The following MYH13 variants were observed in gnomAD, a reference collection of about 807,000 sequenced individuals.
MYH13 encodes myosin-13.
In MYH13, 177 loss-of-function variants were observed where a neutral mutation model predicts 232.1. The observed-to-expected ratio is 0.76, with a 90% confidence interval of 0.67 to 0.86. The LOEUF is 0.86. Among genes scored for constraint, MYH13 ranks in the 40% least tolerant of loss-of-function variants. The pLI is 0.00. For synonymous variants in MYH13, 884 were observed against 923.5 expected (o/e 0.96, Z 0.78); for missense variants, 2,246 against 2,405.9 (o/e 0.93, Z 1.39).
At chr17:10,320,008 C>A in intron 26 of MYH13, 145 bp downstream of exon 26, 1 of 678,662 alleles carries the variant, frequency 1.5e-6, no homozygotes, top group East Asian at 2.7e-5. Flanking sequence ...ATATTATTTT[C>A]AAAAACTAAA....
At chr17:10,340,678 C>G (rs540697031) in intron 16 of MYH13, among the ~76,000 whole-genome samples, 1 of 152,180 alleles carries the variant, frequency 6.6e-6, no homozygotes, top group African/African-American at 2.4e-5. Context: ...GCTACCATGC[C>G]TGGCTAATTT....
intron 7 of MYH13, among the ~76,000 whole-genome samples, chr17:10,358,404 T>C (rs17810975): frequency 0.14 from 21,227 of 152,116 alleles, 1,535 homozygotes; most frequent in African/African-American, 0.17. Context: ...TAGAAACTAC[T>C]GTCAAACCTA....
At chr17:10,355,267 G>C in intron 8 of MYH13, 120 bp from the exon 9 acceptor site, 1 of 1,088,988 alleles carries the variant, frequency 9.2e-7, no homozygotes, top group East Asian at 2.6e-5. Context: ...GAACAGAACT[G>C]AAGGCCTGCT....
chr17:10,307,203 A>G (rs1347523947), intron 35 of MYH13, 139 bp from the exon 36 acceptor site: 1 of 1,033,406 alleles, frequency 9.7e-7, no homozygotes, highest in Admixed American at 3.0e-5. Flanking sequence ...TGCTGGGTAC[A>G]GTACTGTACA....
chr17:10,313,198 T>C lies in MYH13; in HGVS notation c.4141A>G (p.Thr1381Ala). ...EVAQWRTKYE[T>A]DAIQRTEELE... ...TCCTCTGTGCGCTGAATGGCGTCCG[T>C]CTCGTATTTGGTCCTCCACTGGGCA... is the stretch of plus-strand genomic sequence containing the variant. The change falls in exon 30 of 41, where the codon ACG becomes GCG. Residue 1381 changes from threonine (T) to alanine (A), a missense_variant. Coordinates refer to ENST00000252172, the MANE Select transcript of MYH13 (RefSeq NM_003802.3). 6.2e-7 allele frequency: 1 copy of C among 1,614,146 alleles called. No homozygotes were observed. The highest frequency in any genetic ancestry group is 8.5e-7 in the Non-Finnish European group (1 of 1,180,030).
chr17:10,372,469 A>T (rs2071884207), intron 1 of MYH13, among the ~76,000 whole-genome samples: 1 of 152,238 alleles, frequency 6.6e-6, no homozygotes, highest in African/African-American at 2.4e-5. Flanking sequence ...ATGCCATGTG[A>T]GAACAGTCTG....
intron 27 of MYH13, 124 bp from the exon 28 acceptor site, chr17:10,316,149 A>C (rs1906703211): frequency 7.7e-7 from 1 of 1,299,130 alleles, no homozygotes; most frequent in Non-Finnish European, 1.0e-6. Context: ...ACAGAACAAA[A>C]AAAAGTTCAG....
intron 27 of MYH13, among the ~76,000 whole-genome samples, chr17:10,316,503 T>A (rs904817225): frequency 1.6e-4 from 25 of 152,246 alleles, no homozygotes; most frequent in African/African-American, 5.3e-4. Context: ...TGAATGCAGC[T>A]CAATCACCAA....
chr17:10,372,650 A>G (rs2071885625), intron 1 of MYH13, among the ~76,000 whole-genome samples: 1 of 152,256 alleles, frequency 6.6e-6, no homozygotes, highest in African/African-American at 2.4e-5. Flanking sequence ...ACCACAAGTT[A>G]CCAAGTTAAT....
At chr17:10,345,057 C>T in intron 15 of MYH13, 145 bp downstream of exon 15, 1 of 1,292,996 alleles carries the variant, frequency 7.7e-7, no homozygotes, top group Non-Finnish European at 1.1e-6. Flanking sequence ...CATTCATTCT[C>T]TTTGCAAATA....
intron 29 of MYH13, among the ~76,000 whole-genome samples, chr17:10,314,677 A>G (rs1906637758): frequency 6.6e-6 from 1 of 152,218 alleles, no homozygotes; most frequent in Non-Finnish European, 1.5e-5. Context: ...AGATTGCCCT[A>G]TAAGTCTTAG....
At chr17:10,308,301 C>A (rs75268069) in intron 35 of MYH13, among the ~76,000 whole-genome samples, 2 of 140,110 alleles carry the variant, frequency 1.4e-5, no homozygotes, top group African/African-American at 2.7e-5. Context: ...TCCAGCCTGG[C>A]GACAGAAAGA....
chr17:10,313,246 G>A lies in MYH13; in HGVS notation c.4093C>T (p.Leu1365=), dbSNP rs1235080292. 1 of 1,614,218 alleles carries A rather than the reference G, an allele frequency of 6.2e-7. No homozygotes were observed. Among genetic ancestry groups the A allele is most frequent in the Non-Finnish European group, 8.5e-7 (1 of 1,180,052 alleles). ...QEAKAELQRA[L]SKANSEVAQW... ...GCAACCTCACTGTTGGCCTTGGACA[G>A]CGCCCTCTGCAGCTCGGCCTTGGCT... The change falls in exon 30 of 41, where the codon CTG becomes TTG. Residue 1365 remains leucine (L), a synonymous_variant. Coordinates refer to ENST00000252172, the MANE Select transcript of MYH13 (RefSeq NM_003802.3).
At chr17:10,331,646 A>G (rs1907410798) in intron 20 of MYH13, among the ~76,000 whole-genome samples, 1 of 152,124 alleles carries the variant, frequency 6.6e-6, no homozygotes, top group South Asian at 2.1e-4. Flanking sequence ...AGTATGATCA[A>G]TCGCACTGCA....
At chr17:10,319,502 C>T (rs1335340095) in intron 26 of MYH13, among the ~76,000 whole-genome samples, 2 of 80,452 alleles carry the variant, frequency 2.5e-5, no homozygotes, top group Non-Finnish European at 4.9e-5. Flanking sequence ...GAGCAAGACT[C>T]GGTCTCAAAA....
chr17:10,349,871 G>C (rs1347624414), intron 12 of MYH13, among the ~76,000 whole-genome samples: 2 of 152,168 alleles, frequency 1.3e-5, no homozygotes, highest in African/African-American at 2.4e-5. Context: ...GTAATCAAAA[G>C]GCAGAATTAT....
intron 3 of MYH13, 119 bp downstream of exon 3, chr17:10,364,208 T>C: frequency 1.9e-6 from 2 of 1,063,460 alleles, no homozygotes; most frequent in South Asian, 1.5e-5. Flanking sequence ...GCAGAACAGA[T>C]AAACTAAGTT....
intron 2 of MYH13, among the ~76,000 whole-genome samples, chr17:10,369,903 T>A (rs1471495401): frequency 6.6e-6 from 1 of 152,242 alleles, no homozygotes; most frequent in African/African-American, 2.4e-5. Flanking sequence ...TGTTCTCCAT[T>A]TGAACAGCAG....
intron 21 of MYH13, among the ~76,000 whole-genome samples, chr17:10,329,499 C>A (rs1907337860): frequency 6.6e-6 from 1 of 152,212 alleles, no homozygotes; most frequent in Non-Finnish European, 1.5e-5. Flanking sequence ...GTGATGCAAT[C>A]CTACCCCTTG....
Sources: allele counts gnomAD v4.1 joint callset (sites outside exome capture counted in the v4.1 genomes callset), GRCh38; gene constraint gnomAD v4.1.1; transcripts MANE v1.5; gene names NCBI Gene and HGNC (gene_info 2026-07-23, HGNC 2026-07-21).